The following CDK14 variants were observed in gnomAD, a reference collection of about 807,000 sequenced individuals.
CDK14 encodes the protein cyclin-dependent kinase 14.
In CDK14, 34 loss-of-function variants were observed where a neutral mutation model predicts 60.7. The observed-to-expected ratio is 0.56, with a 90% CI of 0.43 to 0.75. CDK14 has a LOEUF of 0.75. Among genes scored for constraint, CDK14 ranks in the 30% least tolerant of loss-of-function variants. The pLI, the probability that CDK14 is intolerant of heterozygous loss-of-function variation, is 0.00. For missense variants in CDK14, 482 were observed against 564.1 expected (o/e 0.85, Z 1.47); for synonymous variants, 197 against 203.7 (o/e 0.97, Z 0.28).
chr7:90,735,476 TG>T (rs1192310869), intron 3 of CDK14, among the ~76,000 whole-genome samples: 1 of 152,218 alleles, frequency 6.6e-6, no homozygotes, highest in Non-Finnish European at 1.5e-5. Context: ...GTCCCTGACT[TG>T]GGGCTGCTGC....
At position 90,971,400 on chromosome 7, in the gene CDK14, A is replaced by C. The variant is rs539482348; in HGVS notation, c.948-12748A>C. On this transcript the variant is annotated intron_variant, in intron 9 of 14. Transcript: ENST00000380050. ...TCAGGGGAGGCTTCACCCGGTGGTA[A>C]TTACTCTGCCTGACTTCTCAAAGCC... Among the ~76,000 whole-genome samples the C allele has an allele frequency of 8.2e-4, 125 of 152,192 alleles. No homozygotes were observed. The Middle Eastern group carries it at 0.027, about 33-fold the overall frequency.
At chr7:90,824,359 G>A (rs1029460377) in intron 5 of CDK14, among the ~76,000 whole-genome samples, 1 of 152,196 alleles carries the variant, frequency 6.6e-6, no homozygotes, top group Non-Finnish European at 1.5e-5. Context: ...TGGGGCAGGT[G>A]TCTGTGTCCA....
At chr7:90,649,337 C>T (rs1194141954) in intron 2 of CDK14, among the ~76,000 whole-genome samples, 95 of 44,798 alleles carry the variant, frequency 2.1e-3, no homozygotes, top group East Asian at 0.014. Context: ...TCCTTCCTTC[C>T]TTCCTTCCTT....
At chr7:91,206,728 A>G (rs923601366) in intron 14 of CDK14, among the ~76,000 whole-genome samples, 1 of 152,136 alleles carries the variant, frequency 6.6e-6, no homozygotes. Context: ...ATACAGCTGA[A>G]TTTTTTTAAA....
At chr7:90,814,747 G>A (rs562216105) in intron 5 of CDK14, among the ~76,000 whole-genome samples, 2 of 152,350 alleles carry the variant, frequency 1.3e-5, no homozygotes, top group East Asian at 3.9e-4. Flanking sequence ...CTGCACTCCA[G>A]CCTGGGCGAC....
chr7:90,809,096 GA>G (rs1473154732), intron 5 of CDK14, among the ~76,000 whole-genome samples: 3 of 151,404 alleles, frequency 2.0e-5, no homozygotes, highest in Non-Finnish European at 2.9e-5. Context: ...TCCAGGAACT[GA>G]ACTCAGCTCT....
intron 12 of CDK14, among the ~76,000 whole-genome samples, chr7:91,104,691 T>C (rs1180615342): frequency 1.3e-5 from 2 of 152,238 alleles, no homozygotes; most frequent in African/African-American, 4.8e-5. Context: ...AATGGAATTA[T>C]ATATCTATAA....
chr7:90,897,185 A>G (rs9969244), intron 6 of CDK14, among the ~76,000 whole-genome samples: 1 of 152,018 alleles, frequency 6.6e-6, no homozygotes, highest in African/African-American at 2.4e-5. Flanking sequence ...GTGATTTTAC[A>G]TTGATATATC....
chr7:91,128,987 G>C (rs776712312), intron 14 of CDK14, among the ~76,000 whole-genome samples: 2 of 152,110 alleles, frequency 1.3e-5, no homozygotes, highest in Non-Finnish European at 2.9e-5. Context: ...GTAACCATGT[G>C]TTAAAAGTCT....
intron 10 of CDK14, among the ~76,000 whole-genome samples, chr7:90,992,738 C>T (rs1364362341): frequency 1.3e-5 from 2 of 152,152 alleles, no homozygotes; most frequent in Non-Finnish European, 2.9e-5. Flanking sequence ...TGAGAATTCT[C>T]ATGCCTGCAT....
At chr7:90,853,898 A>T (rs1178281309) in intron 5 of CDK14, among the ~76,000 whole-genome samples, 1 of 152,178 alleles carries the variant, frequency 6.6e-6, no homozygotes, top group African/African-American at 2.4e-5. Flanking sequence ...CTGCATGATG[A>T]GCCTGGAGCT....
intron 2 of CDK14, among the ~76,000 whole-genome samples, chr7:90,721,797 C>T (rs563376289): frequency 1.4e-4 from 21 of 152,128 alleles, no homozygotes; most frequent in African/African-American, 4.1e-4. Context: ...TTTGACATTC[C>T]GTACTTCTGT....
intron 2 of CDK14, chr7:90,709,403 C>G (rs567456156): frequency 3.6e-6 from 5 of 1,402,212 alleles, no homozygotes; most frequent in Middle Eastern, 1.8e-4. Flanking sequence ...GAGGTGCATC[C>G]CCTTGATTAA....
intron 2 of CDK14, among the ~76,000 whole-genome samples, chr7:90,697,624 T>C (rs1333707569): frequency 6.6e-6 from 1 of 152,228 alleles, no homozygotes; most frequent in Non-Finnish European, 1.5e-5. Flanking sequence ...AGATTTTCTA[T>C]AAACCTAGAA....
intron 14 of CDK14, among the ~76,000 whole-genome samples, chr7:91,185,419 A>T (rs955935315): frequency 1.3e-5 from 2 of 152,066 alleles, no homozygotes; most frequent in Admixed American, 1.3e-4. Flanking sequence ...TGTTCAGTAT[A>T]TAAATGCAAA....
At position 91,207,657 on chromosome 7, in the gene CDK14, T is replaced by C. The variant is rs1802943647; in HGVS notation, c.*521T>C. 1 of 152,662 alleles carries C rather than the reference T, an allele frequency of 6.6e-6. No homozygotes were observed. The allele number at this position is 152,662 out of a possible 1,614,324, so 9.5% of individuals were successfully genotyped here. A position where few individuals can be genotyped will look rare whatever the true frequency, so the allele number is the denominator to read the frequency against. On this transcript the variant is annotated 3_prime_UTR_variant, in exon 15 of 15. Coordinates refer to ENST00000380050, the MANE Select transcript of CDK14 (RefSeq NM_001287135.2). ...ATTTTCTGCTAAAGCAAACCCCTGT[T>C]CTCTGACTTGACAACTTGGCCCCGG...
At chr7:90,935,300 G>T (rs1793715029) in intron 8 of CDK14, among the ~76,000 whole-genome samples, 1 of 152,118 alleles carries the variant, frequency 6.6e-6, no homozygotes, top group Non-Finnish European at 1.5e-5. Flanking sequence ...ATTTCAACAT[G>T]AATTTGAGAA....
chr7:90,834,260 T>C (rs1790016268), intron 5 of CDK14, among the ~76,000 whole-genome samples: 1 of 152,260 alleles, frequency 6.6e-6, no homozygotes. Flanking sequence ...CTTTGAAAGA[T>C]ATATTAATCA....
intron 5 of CDK14, among the ~76,000 whole-genome samples, chr7:90,812,852 TTGAC>T: frequency 6.6e-6 from 1 of 152,288 alleles, no homozygotes; most frequent in East Asian, 1.9e-4. Context: ...GGAAAATAGT[TTGAC>T]TGTTTTTTAA....
Sources: allele counts gnomAD v4.1 joint callset (sites outside exome capture counted in the v4.1 genomes callset), GRCh38; gene constraint gnomAD v4.1.1; transcripts MANE v1.5; gene names NCBI Gene and HGNC (gene_info 2026-07-23, HGNC 2026-07-21).